Variants in GAS2 observed in about 807,000 individuals in gnomAD.
GAS2 encodes growth arrest-specific protein 2.
In GAS2, 20 loss-of-function variants were observed where a neutral mutation model predicts 37.5. The ratio of observed to expected loss-of-function variants is 0.53; its 90% CI spans 0.37 to 0.77. The LOEUF is 0.77. Ranked by LOEUF, GAS2 falls within the 30% of genes least tolerant of loss-of-function variation. The probability of loss-of-function intolerance (pLI) is 0.00; values close to 1 mark genes in which losing one functional copy is unlikely to be tolerated. For synonymous variants in GAS2, 144 were observed against 132.2 expected (o/e 1.09, Z -0.61); for missense variants, 336 against 373.4 (o/e 0.90, Z 0.82).
chr11:22,640,689 T>G (rs1368338719), intron 1 of GAS2, among the ~76,000 whole-genome samples: 1 of 152,166 alleles, frequency 6.6e-6, no homozygotes. Context: ...GTTAGGAATT[T>G]TTATATAAAT....
chr11:22,675,476 G>A (rs1849385588), intron 2 of GAS2, among the ~76,000 whole-genome samples: 1 of 152,012 alleles, frequency 6.6e-6, no homozygotes, highest in Admixed American at 6.5e-5. Context: ...TTTTCCAAAT[G>A]AGCTGACTAG....
At chr11:22,805,906 C>A (rs1017872725) in intron 7 of GAS2, among the ~76,000 whole-genome samples, 6 of 152,008 alleles carry the variant, frequency 3.9e-5, no homozygotes, top group Admixed American at 1.3e-4. Context: ...GTGGGAGTGT[C>A]CAGTGAGGAT....
At position 22,812,269 on chromosome 11, in the gene GAS2, G is replaced by A. The variant is rs781400520; in HGVS notation, c.*253G>A. The A allele has an allele frequency of 2.8e-5, 12 of 423,398 alleles. No homozygotes were observed. The highest frequency in any genetic ancestry group is 5.8e-5 in the South Asian group (2 of 34,604). The allele number at this position is 423,398 out of a possible 1,614,324, so 26.2% of individuals were successfully genotyped here. A position where few individuals can be genotyped will look rare whatever the true frequency, so the allele number is the denominator to read the frequency against. ...GGCAAATTATTATTTCTCAATATGC[G>A]AACACAGTATTTAGAACACAATATT... On this transcript the variant is annotated 3_prime_UTR_variant, in exon 8 of 8. Coordinates refer to ENST00000454584, the MANE Select transcript of GAS2 (RefSeq NM_001143830.3).
intron 1 of GAS2, among the ~76,000 whole-genome samples, chr11:22,657,094 T>C (rs1848864447): frequency 6.6e-6 from 1 of 152,184 alleles, no homozygotes; most frequent in Non-Finnish European, 1.5e-5. Context: ...GTGAATAAGA[T>C]GAAGAAAGCT....
Position 22,749,672 on chromosome 11 carries a change from T to C in GAS2, c.615+411T>C, listed in dbSNP as rs1853623727. ...AAGTGCCTTTTATGGACTACCATTG[T>C]TTTTCAAGTGCTCTCATATATGAAA... On this transcript the variant is annotated intron_variant, in intron 6 of 7. Transcript: ENST00000454584. 2.0e-5 allele frequency among the ~76,000 whole-genome samples: 3 copies of C among 152,130 alleles called. No homozygotes were observed. In the South Asian group the frequency reaches 6.2e-4, roughly 32 times the overall value.
At chr11:22,764,184 T>TA (rs1854546665) in intron 7 of GAS2, among the ~76,000 whole-genome samples, 3 of 152,244 alleles carry the variant, frequency 2.0e-5, no homozygotes, top group African/African-American at 7.2e-5. Context: ...TAAGATTTTT[T>TA]AAAAAAATTT....
At chr11:22,716,459 G>A (rs575025806) in intron 3 of GAS2, among the ~76,000 whole-genome samples, 193 of 152,078 alleles carry the variant, frequency 1.3e-3, no homozygotes, top group Middle Eastern at 3.4e-3. Context: ...GGCCAACATG[G>A]TGAAACATTG....
intron 4 of GAS2, among the ~76,000 whole-genome samples, chr11:22,735,182 T>C (rs925317540): frequency 1.8e-4 from 27 of 149,700 alleles, no homozygotes; most frequent in Middle Eastern, 3.2e-3. Context: ...TATGCAACTC[T>C]ACAGATTTAT....
chr11:22,681,529 C>T (rs12787124), intron 2 of GAS2, among the ~76,000 whole-genome samples: 39,252 of 151,976 alleles, frequency 0.26, 6,014 homozygotes, highest in African/African-American at 0.43. Flanking sequence ...GGACCAGCAC[C>T]GGTCAGGACT....
chr11:22,646,971 T>G (rs1275115545), intron 1 of GAS2, among the ~76,000 whole-genome samples: 1 of 151,894 alleles, frequency 6.6e-6, no homozygotes, highest in African/African-American at 2.4e-5. Flanking sequence ...GTGCACAATG[T>G]GCAGGTTAGT....
At chr11:22,773,212 A>G (rs2134438648) in intron 7 of GAS2, among the ~76,000 whole-genome samples, 1 of 152,108 alleles carries the variant, frequency 6.6e-6, no homozygotes, top group East Asian at 1.9e-4. Flanking sequence ...GAGTAACTTC[A>G]GTCCTCTGGC....
intron 1 of GAS2, among the ~76,000 whole-genome samples, chr11:22,629,039 A>G (rs1858708111): frequency 6.6e-6 from 1 of 151,904 alleles, no homozygotes; most frequent in Non-Finnish European, 1.5e-5. Context: ...ATGTGTGTAT[A>G]TATATATATA....
At chr11:22,731,297 G>T (rs1469705932) in intron 4 of GAS2, 3 of 430,646 alleles carry the variant, frequency 7.0e-6, no homozygotes, top group East Asian at 1.5e-4. Flanking sequence ...TGCTATAATT[G>T]TGTCAATATC....
intron 4 of GAS2, 45 bp downstream of exon 4, chr11:22,726,478 A>G (rs370230678): frequency 1.3e-6 from 2 of 1,558,254 alleles, no homozygotes; most frequent in African/African-American, 2.7e-5. Context: ...TACGCAAATT[A>G]TCTTTTGTCT....
At chr11:22,800,514 A>G (rs1238263463) in intron 7 of GAS2, among the ~76,000 whole-genome samples, 2 of 152,028 alleles carry the variant, frequency 1.3e-5, no homozygotes, top group Admixed American at 1.3e-4. Context: ...TAGACGGTGG[A>G]CTAGTGAAGA....
chr11:22,747,021 T>C (rs548927589), intron 5 of GAS2, among the ~76,000 whole-genome samples: 3 of 152,278 alleles, frequency 2.0e-5, no homozygotes, highest in African/African-American at 7.2e-5. Context: ...CAATGATTAC[T>C]AGAAAACTAA....
chr11:22,734,021 CAT>C (rs1463339618), intron 4 of GAS2, among the ~76,000 whole-genome samples: 15 of 151,714 alleles, frequency 9.9e-5, no homozygotes, highest in African/African-American at 1.7e-4. Context: ...TAAATGATGA[CAT>C]GTGCTTAAAA....
chr11:22,768,209 T>A (rs1854792421), intron 7 of GAS2, among the ~76,000 whole-genome samples: 1 of 152,230 alleles, frequency 6.6e-6, no homozygotes, highest in African/African-American at 2.4e-5. Flanking sequence ...TGGGTTTACA[T>A]GTTGTCCTAG....
intron 7 of GAS2, among the ~76,000 whole-genome samples, chr11:22,800,816 C>T (rs190878058): frequency 6.6e-6 from 1 of 151,982 alleles, no homozygotes; most frequent in Non-Finnish European, 1.5e-5. Context: ...ATTTAAAATT[C>T]TCATTGAAAA....
Sources: allele counts gnomAD v4.1 joint callset (sites outside exome capture counted in the v4.1 genomes callset), GRCh38; gene constraint gnomAD v4.1.1; transcripts MANE v1.5; gene names NCBI Gene and HGNC (gene_info 2026-07-23, HGNC 2026-07-21).